Variants in WWOX observed in about 807,000 individuals in gnomAD.
The protein encoded by WWOX is WW domain containing oxidoreductase.
Under a neutral mutation model 46.2 loss-of-function variants are expected in WWOX, and 69 were observed. The ratio of observed to expected loss-of-function variants is 1.49; its 90% CI spans 1.23 to 1.82. The LOEUF is 1.82. Ranked by LOEUF, WWOX falls within the 40% of genes most tolerant of loss-of-function variation. The pLI, the probability that WWOX is intolerant of heterozygous loss-of-function variation, is 0.00. For synonymous variants in WWOX, 359 were observed against 202.6 expected, an observed-to-expected ratio of 1.77 and a Z score of -6.56; for missense variants, 919 against 542.6, an observed-to-expected ratio of 1.69 and a Z score of -6.89.
chr16:79,188,821 C>T (rs779395120), intron 8 of WWOX, among the ~76,000 whole-genome samples: 40 of 152,212 alleles, frequency 2.6e-4, no homozygotes, highest in Non-Finnish European at 4.3e-4. Flanking sequence ...CCTGGGGCTG[C>T]TCGGTTCTCT....
intron 8 of WWOX, among the ~76,000 whole-genome samples, chr16:78,720,447 C>G (rs749594682): frequency 6.7e-6 from 1 of 149,392 alleles, no homozygotes; most frequent in Non-Finnish European, 1.5e-5. Context: ...TTGAAATTCC[C>G]AATTTGCAAT....
intron 5 of WWOX, among the ~76,000 whole-genome samples, chr16:78,367,409 T>G (rs2081562234): frequency 4.3e-5 from 1 of 23,358 alleles, no homozygotes; most frequent in Non-Finnish European, 9.3e-5. Context: ...AGATATTTTT[T>G]GCCATTTTTT....
chr16:78,635,577 A>G (rs1004379943), intron 8 of WWOX, among the ~76,000 whole-genome samples: 2 of 152,164 alleles, frequency 1.3e-5, no homozygotes, highest in Non-Finnish European at 2.9e-5. Flanking sequence ...CAGTTTCTTC[A>G]TCTACAAAAT....
chr16:78,667,406 C>T (rs1203744230), intron 8 of WWOX, among the ~76,000 whole-genome samples: 2 of 152,062 alleles, frequency 1.3e-5, no homozygotes, highest in East Asian at 1.9e-4. Flanking sequence ...TGTGGTGGCT[C>T]ACGCCTGTAT....
At chr16:78,395,446 A>T (rs891803817) in intron 6 of WWOX, among the ~76,000 whole-genome samples, 2 of 152,190 alleles carry the variant, frequency 1.3e-5, no homozygotes, top group African/African-American at 4.8e-5. Flanking sequence ...TTGAGCCAGC[A>T]TGGTGGAGGC....
At chr16:79,040,890 C>T (rs1238353926) in intron 8 of WWOX, among the ~76,000 whole-genome samples, 1 of 151,974 alleles carries the variant, frequency 6.6e-6, no homozygotes, top group African/African-American at 2.4e-5. Flanking sequence ...AGCCAATTTG[C>T]CCAAGGGAGA....
At chr16:78,840,290 T>G (rs2052103067) in intron 8 of WWOX, among the ~76,000 whole-genome samples, 1 of 152,188 alleles carries the variant, frequency 6.6e-6, no homozygotes, top group African/African-American at 2.4e-5. Flanking sequence ...GTGCCTTGAT[T>G]TCTTTCACGT....
At chr16:78,528,740 T>C (rs890736665) in intron 8 of WWOX, among the ~76,000 whole-genome samples, 1 of 152,006 alleles carries the variant, frequency 6.6e-6, no homozygotes, top group Non-Finnish European at 1.5e-5. Flanking sequence ...GAAAATGAAC[T>C]TTAGGTAGGG....
intron 8 of WWOX, among the ~76,000 whole-genome samples, chr16:78,466,141 C>G (rs1165448383): frequency 6.6e-6 from 1 of 152,070 alleles, no homozygotes; most frequent in African/African-American, 2.4e-5. Context: ...ATGCCATTCT[C>G]CTGCCTCAGC....
chr16:79,072,954 G>A (rs1417669702), intron 8 of WWOX, among the ~76,000 whole-genome samples: 1 of 152,034 alleles, frequency 6.6e-6, no homozygotes, highest in Non-Finnish European at 1.5e-5. Context: ...TGGACTCCGG[G>A]TCATTGACAA....
intron 8 of WWOX, among the ~76,000 whole-genome samples, chr16:78,791,329 G>T (rs929802356): frequency 3.0e-4 from 46 of 152,088 alleles, no homozygotes; most frequent in Non-Finnish European, 5.3e-4. Flanking sequence ...TGGACTCAAC[G>T]GCAGTCTCAG....
At chr16:78,430,115 A>C (rs1361513309) in intron 7 of WWOX, among the ~76,000 whole-genome samples, 1 of 152,196 alleles carries the variant, frequency 6.6e-6, no homozygotes, top group African/African-American at 2.4e-5. Context: ...TCATGGCGGA[A>C]GATGAAGGAA....
chr16:79,054,894 C>T (rs1391217324), intron 8 of WWOX, among the ~76,000 whole-genome samples: 2 of 152,158 alleles, frequency 1.3e-5, no homozygotes, highest in African/African-American at 4.8e-5. Context: ...TTATAAAAGG[C>T]AGTGTTTTAA....
intron 8 of WWOX, among the ~76,000 whole-genome samples, chr16:78,835,152 C>G (rs142367905): frequency 1.3e-5 from 2 of 152,044 alleles, no homozygotes; most frequent in Non-Finnish European, 2.9e-5. Flanking sequence ...TATCTTGCTC[C>G]GACAGCCTTG....
intron 8 of WWOX, among the ~76,000 whole-genome samples, chr16:78,878,328 T>C (rs1597096511): frequency 6.6e-6 from 1 of 152,164 alleles, no homozygotes; most frequent in South Asian, 2.1e-4. Flanking sequence ...GTACAGACTT[T>C]GCAGGCAGGC....
intron 8 of WWOX, among the ~76,000 whole-genome samples, chr16:78,696,852 A>G (rs930059558): frequency 1.3e-5 from 2 of 152,074 alleles, no homozygotes; most frequent in South Asian, 2.1e-4. Flanking sequence ...AGTCCATTGT[A>G]TCATTCTTAT....
intron 8 of WWOX, among the ~76,000 whole-genome samples, chr16:78,443,953 A>G (rs555970630): frequency 2.2e-4 from 34 of 152,140 alleles, no homozygotes; most frequent in African/African-American, 8.2e-4. Context: ...GTATTGCCCC[A>G]TGACGATGTT....
At chr16:78,846,316 A>G (rs913271785) in intron 8 of WWOX, among the ~76,000 whole-genome samples, 1 of 152,140 alleles carries the variant, frequency 6.6e-6, no homozygotes, top group Non-Finnish European at 1.5e-5. Context: ...TGACCAACAG[A>G]CTTTATTTGG....
At chr16:78,305,158 G>T (rs1333902404) in intron 5 of WWOX, among the ~76,000 whole-genome samples, 1 of 152,118 alleles carries the variant, frequency 6.6e-6, no homozygotes, top group East Asian at 1.9e-4. Flanking sequence ...CCACACTAGT[G>T]TGTATTAGGC....
Sources: gnomAD v4.1 joint callset for allele counts (sites outside exome capture counted in the v4.1 genomes callset) on GRCh38, gnomAD v4.1.1 for gene constraint, MANE v1.5 for transcripts, NCBI Gene and HGNC (gene_info 2026-07-23, HGNC 2026-07-21) for gene names.